Variants in ATP8A2 observed in about 807,000 individuals in gnomAD.
ATP8A2 encodes phospholipid-transporting ATPase IB.
In ATP8A2, 100 loss-of-function variants were observed where a neutral mutation model predicts 165.6. The observed-to-expected ratio is 0.60, with a 90% CI of 0.51 to 0.71. The LOEUF (loss-of-function observed/expected upper bound fraction) is 0.71, where lower values mean the gene tolerates loss of function less well. Among genes scored for constraint, ATP8A2 ranks in the 30% least tolerant of loss-of-function variants. The pLI, the probability that ATP8A2 is intolerant of heterozygous loss-of-function variation, is 0.00. For synonymous variants in ATP8A2, 543 were observed against 548.8 expected (o/e 0.99, Z 0.15); for missense variants, 1,227 against 1,479.5 (o/e 0.83, Z 2.80).
chr13:25,419,924 C>G (rs6491052), intron 1 of ATP8A2, among the ~76,000 whole-genome samples: 67,602 of 151,888 alleles, frequency 0.45, 15,986 homozygotes, highest in East Asian at 0.6. Flanking sequence ...AGTTGTGGCT[C>G]TGATTCTGCT....
At chr13:25,604,959 C>T (rs1377700861) in intron 24 of ATP8A2, among the ~76,000 whole-genome samples, 1 of 152,184 alleles carries the variant, frequency 6.6e-6, no homozygotes, top group African/African-American at 2.4e-5. Flanking sequence ...AGCCTGACAA[C>T]TCTTGACTTA....
intron 33 of ATP8A2, among the ~76,000 whole-genome samples, chr13:25,898,619 C>G (rs1189119438): frequency 6.6e-6 from 1 of 152,226 alleles, no homozygotes; most frequent in Non-Finnish European, 1.5e-5. Context: ...GCCCTGCCCC[C>G]AGAGGTGGAG....
chr13:25,578,260 G>A (rs1385895055), intron 20 of ATP8A2, among the ~76,000 whole-genome samples: 2 of 152,150 alleles, frequency 1.3e-5, no homozygotes, highest in East Asian at 3.9e-4. Flanking sequence ...TATGCAATTT[G>A]TAACACATTT....
Position 25,372,881 on chromosome 13 carries a change from GCA to G in ATP8A2, c.76+606_76+607del, listed in dbSNP as rs150904277. On this transcript the variant is annotated intron_variant, in intron 1 of 36. Coordinates refer to ENST00000381655, the MANE Select transcript of ATP8A2 (RefSeq NM_016529.6). The surrounding 1 kb of genome is among the most constrained non-coding windows in gnomAD (Gnocchi z 4.8). ...CGAACACACACACGCACACGCGCGC[GCA>G]CACACACACACAGGTACACACACAC... 7.3e-5 allele frequency among the ~76,000 whole-genome samples: 11 copies of G among 151,448 alleles called. No homozygotes were observed. Among genetic ancestry groups the G allele is most frequent in the East Asian group, 1.9e-4 (1 of 5,146 alleles).
intron 26 of ATP8A2, among the ~76,000 whole-genome samples, chr13:25,770,701 C>G (rs192351474): frequency 6.6e-6 from 1 of 152,148 alleles, no homozygotes; most frequent in Non-Finnish European, 1.5e-5. Flanking sequence ...GCTGGATCAC[C>G]CAGAAAACCT....
At chr13:25,554,815 C>T (rs538045394) in intron 12 of ATP8A2, among the ~76,000 whole-genome samples, 176 bp from the exon 13 acceptor site, 1 of 152,226 alleles carries the variant, frequency 6.6e-6, no homozygotes, top group African/African-American at 2.4e-5. Context: ...CCACTTCGGC[C>T]TCCCAAAGTG....
chr13:25,842,667 G>A lies in ATP8A2; in HGVS notation c.2956+3043G>A, dbSNP rs187842864. On this transcript the variant is annotated intron_variant, in intron 30 of 36. Coordinates refer to ENST00000381655, the MANE Select transcript of ATP8A2 (RefSeq NM_016529.6). ...AGCCTGGGCCAAAAAGCAAAACTCT[G>A]TCAAAAAAAAAAAGAAAGAAAGAAA... 2.3e-5 allele frequency among the ~76,000 whole-genome samples: 3 copies of A among 132,716 alleles called. No individual in the cohort carries two copies. The East Asian group carries it at 7.1e-4, about 31-fold the overall frequency. 87.1% of individuals were successfully genotyped at this position (132,716 alleles called of 152,430 possible).
chr13:26,008,747 G>A (rs537887643), intron 35 of ATP8A2, among the ~76,000 whole-genome samples: 1 of 152,338 alleles, frequency 6.6e-6, no homozygotes, highest in Admixed American at 6.5e-5. Flanking sequence ...ATGGCAAACT[G>A]AGTAGCCTTC....
chr13:26,013,502 T>C (rs1465367922), intron 36 of ATP8A2, among the ~76,000 whole-genome samples: 1 of 152,066 alleles, frequency 6.6e-6, no homozygotes, highest in Non-Finnish European at 1.5e-5. Context: ...TGGTGAAACC[T>C]CGTCTCTACT....
chr13:25,501,397 G>A (rs113009526), intron 2 of ATP8A2, among the ~76,000 whole-genome samples: 310 of 152,302 alleles, frequency 2.0e-3, no homozygotes, highest in Non-Finnish European at 3.6e-3. Flanking sequence ...GGACATAAGG[G>A]CTGCTCTGGT....
At chr13:25,853,880 T>A (rs1189414692) in intron 30 of ATP8A2, among the ~76,000 whole-genome samples, 1 of 152,188 alleles carries the variant, frequency 6.6e-6, no homozygotes, top group Non-Finnish European at 1.5e-5. Flanking sequence ...CTTTTAGAGT[T>A]CCCTATCTGA....
At chr13:25,769,827 G>A (rs2044579841) in intron 26 of ATP8A2, among the ~76,000 whole-genome samples, 1 of 152,174 alleles carries the variant, frequency 6.6e-6, no homozygotes, top group African/African-American at 2.4e-5. Flanking sequence ...TCAGCCTCCT[G>A]CAGTTAGGCC....
At chr13:25,433,129 C>T (rs2034661280) in intron 1 of ATP8A2, among the ~76,000 whole-genome samples, 1 of 152,150 alleles carries the variant, frequency 6.6e-6, no homozygotes, top group Non-Finnish European at 1.5e-5. Context: ...TGTCTTTCCA[C>T]GATCACAGGT....
intron 27 of ATP8A2, among the ~76,000 whole-genome samples, chr13:25,778,741 G>A (rs939486486): frequency 2.0e-5 from 3 of 152,098 alleles, no homozygotes; most frequent in African/African-American, 2.4e-5. Flanking sequence ...GCCCATCTCC[G>A]TCCCGTCACC....
rs547964167 is a variant in ATP8A2 at position 25,822,291 on chromosome 13, A to G, written c.2680-5827A>G. ...TTTCCAAATAATGCCATACCATTAT[A>G]TTTTTGTGTTGAATATTATGTGATT... On this transcript the variant is annotated intron_variant, in intron 27 of 36. Transcript: ENST00000381655. 9.0e-4 allele frequency among the ~76,000 whole-genome samples: 137 copies of G among 152,268 alleles called. 1 individual carries two copies. Among genetic ancestry groups the G allele is most frequent in the African/African-American group, 3.2e-3 (132 of 41,542 alleles).
At chr13:26,002,848 CTGTGTGTGTGTGTGTGTGTGTGTGTG>C (rs199795279) in intron 35 of ATP8A2, among the ~76,000 whole-genome samples, 1 of 134,720 alleles carries the variant, frequency 7.4e-6, no homozygotes, top group Non-Finnish European at 1.6e-5. Context: ...TAGTATTCCA[CTGTGTGTGTGTGTGTGTGTGTGTGTG>C]TGTGTGTGTG....
At chr13:26,009,841 G>A (rs1376001410) in intron 35 of ATP8A2, among the ~76,000 whole-genome samples, 5 of 152,126 alleles carry the variant, frequency 3.3e-5, no homozygotes, top group African/African-American at 4.8e-5. Flanking sequence ...TGAAGTGGGC[G>A]GATCACCTGA....
At chr13:25,587,666 G>A (rs998261707) in intron 23 of ATP8A2, among the ~76,000 whole-genome samples, 1 of 152,134 alleles carries the variant, frequency 6.6e-6, no homozygotes, top group Admixed American at 6.5e-5. Flanking sequence ...AAAGTCTCTG[G>A]GGATGAAGAA....
chr13:25,495,772 CT>C (rs1270723197), intron 2 of ATP8A2, among the ~76,000 whole-genome samples: 4 of 151,782 alleles, frequency 2.6e-5, no homozygotes, highest in African/African-American at 9.7e-5. Context: ...AGACCCCTGT[CT>C]GTTTTTATAG....
Sources: allele counts gnomAD v4.1 joint callset (sites outside exome capture counted in the v4.1 genomes callset), GRCh38; gene constraint gnomAD v4.1.1; non-coding constraint Gnocchi (gnomAD v3.1); transcripts MANE v1.5; gene names NCBI Gene and HGNC (gene_info 2026-07-23, HGNC 2026-07-21).